The following STAU2 variants were observed in gnomAD, a reference collection of about 807,000 sequenced individuals.
The protein encoded by STAU2 is staufen double-stranded RNA binding protein 2.
A neutral mutation model predicts 65.9 loss-of-function variants in STAU2; 20 were observed. The ratio of observed to expected loss-of-function variants is 0.30; its 90% CI spans 0.21 to 0.44. The LOEUF (loss-of-function observed/expected upper bound fraction) is 0.44, where lower values mean the gene tolerates loss of function less well. Ranked by LOEUF, STAU2 falls within the 20% of genes least tolerant of loss-of-function variation. STAU2 has a pLI of 1.00. For synonymous variants in STAU2, 232 were observed against 233.9 expected (o/e 0.99, Z 0.07); for missense variants, 558 against 683.9 (o/e 0.82, Z 2.05).
chr8:73,549,512 C>T, intron 13 of STAU2: 1 of 447,728 alleles, frequency 2.2e-6, no homozygotes, highest in Non-Finnish European at 2.9e-6. Context: ...GCTTGGATAC[C>T]TACATTCAGT....
chr8:73,536,639 T>G (rs1170454878), intron 13 of STAU2, among the ~76,000 whole-genome samples: 1 of 152,052 alleles, frequency 6.6e-6, no homozygotes, highest in African/African-American at 2.4e-5. Context: ...CTATACCTAG[T>G]GATGATGGGG....
chr8:73,684,301 G>T (rs1418781037), intron 5 of STAU2, among the ~76,000 whole-genome samples: 4 of 152,052 alleles, frequency 2.6e-5, no homozygotes, highest in African/African-American at 9.7e-5. Context: ...CAGAAATAAA[G>T]CCCAATACTT....
rs577701282 is a variant in STAU2 at position 73,740,491 on chromosome 8, G to T, written c.-196-623C>A. Among the ~76,000 whole-genome samples the T allele has an allele frequency of 1.4e-3, 211 of 152,198 alleles. 1 individual carries two copies. The highest frequency in any genetic ancestry group is 2.8e-3 in the Non-Finnish European group (189 of 68,022). ...CATTTATATTTTCAATTCAAAAAAT[G>T]AGATTATTCACAAGTGTAGCATTAG... On this transcript the variant is annotated intron_variant, in intron 1 of 14. Transcript: ENST00000524300.
chr8:73,620,808 T>C (rs904014184), intron 6 of STAU2, among the ~76,000 whole-genome samples: 2 of 152,218 alleles, frequency 1.3e-5, no homozygotes, highest in Non-Finnish European at 2.9e-5. Context: ...TACTTAACAA[T>C]GATTCTTAAT....
chr8:73,470,324 T>A (rs1554594143), intron 13 of STAU2, among the ~76,000 whole-genome samples: 1 of 152,088 alleles, frequency 6.6e-6, no homozygotes, highest in Non-Finnish European at 1.5e-5. Context: ...TTGGCTTCTA[T>A]AAAGGGAAGA....
At chr8:73,423,537 G>A (rs1816564233) in intron 13 of STAU2, among the ~76,000 whole-genome samples, 1 of 152,212 alleles carries the variant, frequency 6.6e-6, no homozygotes, top group Non-Finnish European at 1.5e-5. Flanking sequence ...ATGGGCATGA[G>A]CAGGCAGGGC....
intron 13 of STAU2, among the ~76,000 whole-genome samples, chr8:73,472,066 A>T (rs1820065304): frequency 6.6e-6 from 1 of 152,176 alleles, no homozygotes; most frequent in Non-Finnish European, 1.5e-5. Context: ...CAGGAAGGGA[A>T]TGCAGAATGG....
chr8:73,484,525 C>A (rs920032677), intron 13 of STAU2, among the ~76,000 whole-genome samples: 1 of 151,936 alleles, frequency 6.6e-6, no homozygotes, highest in Admixed American at 6.6e-5. Flanking sequence ...TTCTATGATA[C>A]GATTTACTAT....
upstream of STAU2, chr8:73,747,019 G>T (rs1156569519): frequency 3.9e-6 from 1 of 253,954 alleles, no homozygotes; most frequent in Non-Finnish European, 6.1e-6. Flanking sequence ...GCCCGGCACC[G>T]GCTCTACCTC....
At chr8:73,642,825 A>C (rs1249857952) in intron 6 of STAU2, among the ~76,000 whole-genome samples, 3 of 152,260 alleles carry the variant, frequency 2.0e-5, no homozygotes, top group Non-Finnish European at 2.9e-5. Context: ...GAGAGAGAAC[A>C]GAAAATAAAT....
At chr8:73,476,982 A>G (rs1195616587) in intron 13 of STAU2, among the ~76,000 whole-genome samples, 1 of 152,234 alleles carries the variant, frequency 6.6e-6, no homozygotes, top group Middle Eastern at 3.2e-3. Flanking sequence ...AATTCATTCA[A>G]CAAGTATTAC....
intron 12 of STAU2, among the ~76,000 whole-genome samples, chr8:73,557,319 T>TA (rs1807865880): frequency 6.6e-6 from 1 of 152,192 alleles, no homozygotes; most frequent in African/African-American, 2.4e-5. Context: ...AGAAATAGCA[T>TA]AAAAACATAG....
At chr8:73,578,635 T>C (rs1446091710) in intron 12 of STAU2, among the ~76,000 whole-genome samples, 1 of 152,194 alleles carries the variant, frequency 6.6e-6, no homozygotes, top group Non-Finnish European at 1.5e-5. Flanking sequence ...GCCCTCTATT[T>C]ACGGGACCTT....
At chr8:73,617,103 G>A (rs1176724343) in intron 7 of STAU2, among the ~76,000 whole-genome samples, 189 bp downstream of exon 7, 1 of 152,210 alleles carries the variant, frequency 6.6e-6, no homozygotes, top group Non-Finnish European at 1.5e-5. Flanking sequence ...CCTGGGAAGT[G>A]AACTCAAGGG....
At chr8:73,558,708 G>T (rs1807967788) in intron 12 of STAU2, among the ~76,000 whole-genome samples, 1 of 152,096 alleles carries the variant, frequency 6.6e-6, no homozygotes, top group Non-Finnish European at 1.5e-5. Context: ...GATCCAAATG[G>T]TTACTGCCAC....
chr8:73,439,297 G>C (rs1817947187), intron 13 of STAU2: 1 of 326,852 alleles, frequency 3.1e-6, no homozygotes, highest in Non-Finnish European at 6.0e-6. Flanking sequence ...AATCCTGTGT[G>C]AAGGCAGGAC....
chr8:73,540,529 T>C (rs1806475536), intron 13 of STAU2, among the ~76,000 whole-genome samples: 1 of 152,222 alleles, frequency 6.6e-6, no homozygotes, highest in Non-Finnish European at 1.5e-5. Flanking sequence ...ATATCTTACA[T>C]TTAGAGATTT....
intron 3 of STAU2, among the ~76,000 whole-genome samples, chr8:73,724,450 G>T (rs960218893): frequency 9.9e-5 from 15 of 152,126 alleles, no homozygotes; most frequent in African/African-American, 3.6e-4. Flanking sequence ...AAAGTGATAT[G>T]CACTCAGTAG....
intron 13 of STAU2, chr8:73,549,536 T>G: frequency 2.7e-6 from 2 of 746,916 alleles, no homozygotes; most frequent in Non-Finnish European, 1.6e-6. Context: ...TCAAAGTAGC[T>G]TTTTGTAATT....
Sources: allele counts gnomAD v4.1 joint callset (sites outside exome capture counted in the v4.1 genomes callset), GRCh38; gene constraint gnomAD v4.1.1; transcripts MANE v1.5; gene names NCBI Gene and HGNC (gene_info 2026-07-23, HGNC 2026-07-21).